The following TLE2 variants were observed in gnomAD, a reference collection of about 807,000 sequenced individuals.
TLE2 encodes TLE family member 2, transcriptional corepressor.
Under a neutral mutation model 97.2 loss-of-function variants are expected in TLE2, and 74 were observed. The ratio of observed to expected loss-of-function variants is 0.76; its 90% CI spans 0.63 to 0.92. The LOEUF (loss-of-function observed/expected upper bound fraction) is 0.92. TLE2 is among the 40% of genes least tolerant of loss of function. The pLI is 0.00. For synonymous variants in TLE2, 499 were observed against 432.1 expected, an observed-to-expected ratio of 1.15 and a Z score of -1.92; for missense variants, 1,038 against 1,008.7, an observed-to-expected ratio of 1.03 and a Z score of -0.39.
chr19:3,027,821 C>G lies in TLE2; in HGVS notation c.231+8G>C, dbSNP rs1222073258. Reference sequence around the variant, plus strand: ...CCTCCTGAACACGCGTAACCCCAACCCAGTTACCTGCTTATGCATTTCAAT... The same window carrying G: ...CCTCCTGAACACGCGTAACCCCAACGCAGTTACCTGCTTATGCATTTCAAT... On this transcript the variant is annotated splice_region_variant and intron_variant, in intron 4 of 19. Coordinates refer to ENST00000262953, the MANE Select transcript of TLE2 (RefSeq NM_003260.5). The G allele has an allele frequency of 1.2e-6, 2 of 1,610,918 alleles. No homozygotes were observed. The highest frequency in any genetic ancestry group is 2.2e-5 in the East Asian group (1 of 44,844).
chr19:3,020,484 C>T (rs1337997298), intron 5 of TLE2: 1 of 151,992 alleles, frequency 6.6e-6, no homozygotes, highest in Non-Finnish European at 1.5e-5. Flanking sequence ...CACCATGGAC[C>T]CTTCTCCTAG....
intron 3 of TLE2, 108 bp from the exon 4 acceptor site, chr19:3,027,981 G>T: frequency 8.6e-7 from 1 of 1,158,630 alleles, no homozygotes; most frequent in Non-Finnish European, 1.3e-6. Context: ...GGGAATCACA[G>T]CAGGAAGCAG....
chr19:3,016,525 G>C (rs1320554765), intron 8 of TLE2, among the ~76,000 whole-genome samples: 26 of 147,946 alleles, frequency 1.8e-4, no homozygotes, highest in African/African-American at 5.4e-4. Context: ...AGGAGGCGGA[G>C]CTTACAGTGA....
chr19:3,045,027 G>A (rs1043151952), intron 1 of TLE2, among the ~76,000 whole-genome samples: 4 of 152,220 alleles, frequency 2.6e-5, no homozygotes, highest in East Asian at 3.9e-4. Flanking sequence ...AGACCAGCCT[G>A]GCCAACATGG....
At chr19:3,028,605 C>T (rs1009510644) in intron 2 of TLE2, 101 bp downstream of exon 2, 3 of 1,404,440 alleles carry the variant, frequency 2.1e-6, no homozygotes, top group Non-Finnish European at 3.0e-6. Context: ...CGCGCCCCCC[C>T]TCCAACCGGG....
Position 3,013,759 on chromosome 19 carries a change from G to A in TLE2, c.783C>T (p.Cys261=), listed in dbSNP as rs1262657982. Residue 261 remains cysteine, a synonymous_variant, in exon 11 of 20, where the codon TGC becomes TGT. Coordinates refer to ENST00000262953, the MANE Select transcript of TLE2 (RefSeq NM_003260.5). The part of the protein sequence containing the change: ...ATTPCGKVPI[C]IPARRDLVDS... ...CCACCAGGTCCCGACGGGCAGGAAT[G>A]CAGATGGGTACCTTTCCGCAGGGGG... 3 of 1,563,976 alleles carry A rather than the reference G, an allele frequency of 1.9e-6. No homozygotes were observed. Among genetic ancestry groups the A allele is most frequent in the African/African-American group, 2.8e-5 (2 of 71,572 alleles).
rs1330557451 is a variant in TLE2 at position 3,028,437 on chromosome 19, C to G, written c.123-55G>C. ...CCACCCGCCCCATGTGGGCCGGCTTCCAAAGTGAGAGGCTGGATCTCCCCC... is the reference window on the plus strand; with the variant it reads ...CCACCCGCCCCATGTGGGCCGGCTTGCAAAGTGAGAGGCTGGATCTCCCCC... On this transcript the variant is annotated intron_variant, in intron 2 of 19. Coordinates refer to ENST00000262953, the MANE Select transcript of TLE2 (RefSeq NM_003260.5). 11 of 1,524,544 alleles carry G rather than the reference C, an allele frequency of 7.2e-6. 1 individual carries two copies. Among genetic ancestry groups the G allele is most frequent in the Non-Finnish European group, 9.8e-6 (11 of 1,127,198 alleles). 94.4% of individuals were successfully genotyped at this position (1,524,544 alleles called of 1,614,324 possible).
intron 19 of TLE2, among the ~76,000 whole-genome samples, chr19:3,000,163 CT>C (rs2089323467): frequency 6.6e-6 from 1 of 151,630 alleles, no homozygotes; most frequent in African/African-American, 2.4e-5. Flanking sequence ...GCTCCACCTC[CT>C]GGGTTCATGC....
intron 5 of TLE2, among the ~76,000 whole-genome samples, chr19:3,022,053 A>G (rs61346022): frequency 0.19 from 28,953 of 151,436 alleles, 2,952 homozygotes; most frequent in Admixed American, 0.22. Flanking sequence ...TACATTATAC[A>G]TATATACTTA....
chr19:3,013,315 G>A (rs1414419197), intron 11 of TLE2, among the ~76,000 whole-genome samples: 2 of 152,006 alleles, frequency 1.3e-5, no homozygotes, highest in Non-Finnish European at 2.9e-5. Context: ...CTCTGGAAGG[G>A]CTCAACACAT....
intron 1 of TLE2, among the ~76,000 whole-genome samples, chr19:3,042,626 G>C (rs924768743): frequency 2.0e-5 from 3 of 151,810 alleles, no homozygotes; most frequent in African/African-American, 7.3e-5. Context: ...AGACCCCCGA[G>C]ACAGAGGGGG....
chr19:3,003,128 A>C (rs1289048964), intron 17 of TLE2, among the ~76,000 whole-genome samples: 2 of 152,204 alleles, frequency 1.3e-5, no homozygotes, highest in Non-Finnish European at 2.9e-5. Flanking sequence ...ACAGCAGACA[A>C]CTGCATGTCG....
intron 1 of TLE2, among the ~76,000 whole-genome samples, chr19:3,037,346 G>T (rs1054206733): frequency 6.6e-6 from 1 of 152,200 alleles, no homozygotes; most frequent in Non-Finnish European, 1.5e-5. Context: ...TTAAGCTAGG[G>T]TTTTGCAGAA....
chr19:3,036,188 G>A (rs1456717848), intron 1 of TLE2, among the ~76,000 whole-genome samples: 2 of 152,204 alleles, frequency 1.3e-5, no homozygotes, highest in African/African-American at 4.8e-5. Flanking sequence ...GGTGGAGGGG[G>A]GTGGTGCTGG....
At chr19:2,999,441 A>G (rs549644973) in intron 19 of TLE2, among the ~76,000 whole-genome samples, 2 of 152,264 alleles carry the variant, frequency 1.3e-5, no homozygotes, top group South Asian at 4.1e-4. Flanking sequence ...AAAATTTGAA[A>G]AACAGGCTGG....
chr19:3,033,714 C>T (rs949229413), upstream of TLE2, among the ~76,000 whole-genome samples: 4 of 151,912 alleles, frequency 2.6e-5, no homozygotes, highest in Admixed American at 1.3e-4. Flanking sequence ...CTCTCCTGTC[C>T]GGGCGGCCCT....
chr19:3,046,185 C>T (rs1313612829), upstream of TLE2, among the ~76,000 whole-genome samples: 1 of 152,200 alleles, frequency 6.6e-6, no homozygotes, highest in Non-Finnish European at 1.5e-5. Flanking sequence ...CCGTGGGCCT[C>T]AGTTTTCCCA....
At chr19:3,014,883 CCT>C (rs1200473800) in intron 9 of TLE2, among the ~76,000 whole-genome samples, 3 of 151,976 alleles carry the variant, frequency 2.0e-5, no homozygotes, top group African/African-American at 7.3e-5. Flanking sequence ...GACTCCCGGC[CCT>C]CTCAGGCCTC....
intron 5 of TLE2, among the ~76,000 whole-genome samples, chr19:3,021,271 G>A (rs1162996233): frequency 6.6e-6 from 1 of 151,510 alleles, no homozygotes; most frequent in Non-Finnish European, 1.5e-5. Flanking sequence ...CAGGCATGGT[G>A]GCATGCACCT....
Sources: gnomAD v4.1 joint callset for allele counts (sites outside exome capture counted in the v4.1 genomes callset) on GRCh38, gnomAD v4.1.1 for gene constraint, MANE v1.5 for transcripts, NCBI Gene and HGNC (gene_info 2026-07-23, HGNC 2026-07-21) for gene names.